The following ADGRV1 variants were observed in gnomAD, a reference collection of about 807,000 sequenced individuals.
ADGRV1 encodes the protein G-protein coupled receptor 98.
A neutral mutation model predicts 596.2 loss-of-function variants in ADGRV1; 359 were observed. The ratio of observed to expected loss-of-function variants is 0.60; its 90% CI spans 0.55 to 0.66. The LOEUF is 0.66. Among genes scored for constraint, ADGRV1 ranks in the 30% least tolerant of loss-of-function variants. The pLI, the probability that ADGRV1 is intolerant of heterozygous loss-of-function variation, is 0.00. For missense variants in ADGRV1, 7,274 were observed against 7,575.6 expected (o/e 0.96, Z 1.48); for synonymous variants, 2,681 against 2,679.2 (o/e 1.00, Z -0.02).
At chr5:90,888,357 GT>G (rs142847058) in intron 83 of ADGRV1, among the ~76,000 whole-genome samples, 449 of 151,666 alleles carry the variant, frequency 3.0e-3, no homozygotes, top group African/African-American at 0.01. Flanking sequence ...AAGAGAAAAA[GT>G]TTTTTTTTGT....
At chr5:91,018,835 C>A (rs942643303) in intron 85 of ADGRV1, among the ~76,000 whole-genome samples, 2 of 151,878 alleles carry the variant, frequency 1.3e-5, no homozygotes, top group African/African-American at 4.8e-5. Context: ...AGTAAGTTGG[C>A]GAATGACTGG....
intron 85 of ADGRV1, among the ~76,000 whole-genome samples, chr5:91,071,598 A>C (rs1324004206): frequency 1.3e-5 from 2 of 152,170 alleles, no homozygotes; most frequent in Non-Finnish European, 2.9e-5. Context: ...GCTGTATGTG[A>C]ATTATTTCGG....
At chr5:90,582,622 T>G (rs1758216692) in intron 1 of ADGRV1, among the ~76,000 whole-genome samples, 1 of 152,202 alleles carries the variant, frequency 6.6e-6, no homozygotes, top group Admixed American at 6.5e-5. Flanking sequence ...TGGAGTATAG[T>G]GGTATCATCA....
At chr5:90,970,116 C>G (rs530977465) in intron 84 of ADGRV1, among the ~76,000 whole-genome samples, 124 of 152,376 alleles carry the variant, frequency 8.1e-4, no homozygotes, top group Middle Eastern at 6.8e-3. Flanking sequence ...CCCACGGAGC[C>G]TCACTCATTG....
chr5:90,673,089 A>G (rs1772713689), intron 22 of ADGRV1, among the ~76,000 whole-genome samples: 1 of 152,176 alleles, frequency 6.6e-6, no homozygotes, highest in Non-Finnish European at 1.5e-5. Flanking sequence ...TTGTTTTTTC[A>G]CTTTAAATTT....
intron 20 of ADGRV1, 51 bp from the exon 21 acceptor site, chr5:90,657,854 G>A (rs1769645480): frequency 6.7e-7 from 1 of 1,494,650 alleles, no homozygotes; most frequent in African/African-American, 1.4e-5. Flanking sequence ...GTAAAATTTA[G>A]GACAGGACAC....
At chr5:90,996,739 C>T (rs1482952872) in intron 85 of ADGRV1, among the ~76,000 whole-genome samples, 1 of 152,198 alleles carries the variant, frequency 6.6e-6, no homozygotes, top group African/African-American at 2.4e-5. Flanking sequence ...ATGAAAGCAG[C>T]TGTGGAGGCT....
At position 90,685,820 on chromosome 5, in the gene ADGRV1, T is replaced by G; in HGVS notation, c.6315T>G (p.Ile2105Met). The change falls in exon 29 of 90, where the codon ATT becomes ATG. Residue 2105 changes from isoleucine (I) to methionine (M), a missense_variant. By Grantham distance (10) the Ile-to-Met change is conservative (BLOSUM62 1). Coordinates refer to ENST00000405460, the MANE Select transcript of ADGRV1 (RefSeq NM_032119.4). ...GTCTTGGGCCTAAGGTAGAAACTAT[T>G]GCGCAACTAATTATCATTGCCAATG... ...SPRLGPKVET[I>M]AQLIIIANDD... The G allele has an allele frequency of 6.2e-7, 1 of 1,611,686 alleles. No homozygotes were observed. Among genetic ancestry groups the G allele is most frequent in the Non-Finnish European group, 8.5e-7 (1 of 1,178,750 alleles).
intron 73 of ADGRV1, among the ~76,000 whole-genome samples, chr5:90,809,293 T>TACACACAC (rs60659185): frequency 0.1 from 13,646 of 134,502 alleles, 822 homozygotes; most frequent in East Asian, 0.17. Context: ...CGGGCATAAA[T>TACACACAC]ACACACACAC....
At chr5:90,945,559 A>G (rs984618468) in intron 83 of ADGRV1, among the ~76,000 whole-genome samples, 1 of 152,104 alleles carries the variant, frequency 6.6e-6, no homozygotes, top group Non-Finnish European at 1.5e-5. Context: ...CTAAAATCAA[A>G]CTCCACTGAG....
At chr5:91,026,644 G>A (rs935001391) in intron 85 of ADGRV1, among the ~76,000 whole-genome samples, 3 of 152,104 alleles carry the variant, frequency 2.0e-5, no homozygotes, top group Non-Finnish European at 4.4e-5. Flanking sequence ...ACTCAGAGGC[G>A]ACAGAGCCAT....
At position 90,681,338 on chromosome 5, in the gene ADGRV1, A is replaced by C. The variant is rs1299399757; in HGVS notation, c.5548A>C (p.Ile1850Leu). Residue 1850 changes from isoleucine to leucine, a missense_variant, in exon 27 of 90, where the codon ATT becomes CTT. Coordinates refer to ENST00000405460, the MANE Select transcript of ADGRV1 (RefSeq NM_032119.4). Reference sequence around the variant, plus strand: ...AGCCAGTCTAGGAGTGGCTTCCCAAATTCTAGTGACAATTGCAGCCTCTGA... The same window carrying C: ...AGCCAGTCTAGGAGTGGCTTCCCAACTTCTAGTGACAATTGCAGCCTCTGA... ...KRASLGVASQ[I>L]LVTIAASDHA... 3.7e-6 allele frequency: 6 copies of C among 1,613,648 alleles called. No individual in the cohort carries two copies. Among genetic ancestry groups the C allele is most frequent in the Non-Finnish European group, 8.5e-7 (1 of 1,179,814 alleles).
At chr5:90,778,389 A>G (rs1758478690) in intron 62 of ADGRV1, 38 bp from the exon 63 acceptor site, 1 of 1,572,790 alleles carries the variant, frequency 6.4e-7, no homozygotes. Context: ...TTGAAATTCC[A>G]CAGATTCTAC....
rs77001323 is a variant in ADGRV1, at chr5:91,021,714, A to T, written c.18152+36192A>T. ...AGATACAGTGTGATTGCACCCCTAA[A>T]TTATTGTTTCTGGTGTGGCACAGAC... is the stretch of plus-strand genomic sequence containing the variant. On this transcript the variant is annotated intron_variant, in intron 85 of 89. Coordinates refer to ENST00000405460, the MANE Select transcript of ADGRV1 (RefSeq NM_032119.4). Among the ~76,000 whole-genome samples, 484 of 152,196 alleles carry T rather than the reference A, an allele frequency of 3.2e-3. 4 individuals carry two copies. The highest frequency in any genetic ancestry group is 0.011 in the African/African-American group (456 of 41,558).
At chr5:90,744,091 C>A (rs1419310967) in intron 50 of ADGRV1, among the ~76,000 whole-genome samples, 1 of 152,064 alleles carries the variant, frequency 6.6e-6, no homozygotes, top group Non-Finnish European at 1.5e-5. Context: ...TGGGTTCAAA[C>A]GATCCTGCCA....
intron 53 of ADGRV1, among the ~76,000 whole-genome samples, chr5:90,753,174 A>G (rs368582655): frequency 1.3e-5 from 2 of 152,326 alleles, no homozygotes; most frequent in Middle Eastern, 6.8e-3. Context: ...AGTTAGTCAA[A>G]GGAAATAATC....
intron 6 of ADGRV1, 64 bp downstream of exon 6, chr5:90,625,307 A>C: frequency 3.9e-6 from 4 of 1,014,044 alleles, no homozygotes; most frequent in Non-Finnish European, 6.1e-6. Context: ...AGTCCTGTAT[A>C]AACTTAGTGT....
intron 34 of ADGRV1, among the ~76,000 whole-genome samples, chr5:90,702,430 C>A (rs1365959960): frequency 6.6e-6 from 1 of 151,708 alleles, no homozygotes; most frequent in Non-Finnish European, 1.5e-5. Context: ...TTTATATTAT[C>A]CACTCTCCTT....
intron 79 of ADGRV1, among the ~76,000 whole-genome samples, chr5:90,850,142 TA>T (rs1766331877): frequency 6.6e-6 from 1 of 152,210 alleles, no homozygotes; most frequent in Non-Finnish European, 1.5e-5. Context: ...GAATAGATTG[TA>T]ACCACCTACT....
Sources: allele counts gnomAD v4.1 joint callset (sites outside exome capture counted in the v4.1 genomes callset), GRCh38; gene constraint gnomAD v4.1.1; transcripts MANE v1.5; gene names NCBI Gene and HGNC (gene_info 2026-07-23, HGNC 2026-07-21).